DCC: variants seen among roughly 807,000 people sequenced by gnomAD.
DCC encodes the protein netrin receptor DCC.
DCC carries 58 observed loss-of-function variants against 172.5 expected under a neutral mutation model. The observed-to-expected ratio is 0.34, with a 90% CI of 0.27 to 0.42. DCC has a LOEUF of 0.42. Ranked by LOEUF, DCC falls within the 10% of genes least tolerant of loss-of-function variation. DCC has a pLI of 1.00. For synonymous variants in DCC, 709 were observed against 644.5 expected (o/e 1.10, Z -1.52); for missense variants, 1,740 against 1,791.0 (o/e 0.97, Z 0.51).
intron 3 of DCC, 127 bp downstream of exon 3, chr18:52,906,455 A>C (rs2039883462): frequency 1.0e-6 from 1 of 999,434 alleles, no homozygotes; most frequent in Non-Finnish European, 1.5e-6. Flanking sequence ...TTTGTTTATT[A>C]TTTCTTTCTT....
intron 5 of DCC, among the ~76,000 whole-genome samples, chr18:52,970,970 C>A (rs2041020872): frequency 6.6e-6 from 1 of 152,150 alleles, no homozygotes; most frequent in East Asian, 1.9e-4. Flanking sequence ...TGAATTGAAA[C>A]TCTGGGGAAT....
chr18:52,442,372 T>C (rs1015594288), intron 1 of DCC, among the ~76,000 whole-genome samples: 3 of 152,216 alleles, frequency 2.0e-5, no homozygotes, highest in Non-Finnish European at 4.4e-5. Flanking sequence ...TGAAGACCAA[T>C]GAAGATGATA....
At chr18:53,429,017 A>G (rs1911378105) in intron 21 of DCC, among the ~76,000 whole-genome samples, 1 of 87,772 alleles carries the variant, frequency 1.1e-5, no homozygotes, top group Admixed American at 1.8e-4. Context: ...TATATTTTAT[A>G]TATTTTTTAT....
At chr18:52,550,588 C>A (rs557199175) in intron 1 of DCC, among the ~76,000 whole-genome samples, 3 of 151,934 alleles carry the variant, frequency 2.0e-5, no homozygotes, top group African/African-American at 4.8e-5. Flanking sequence ...ACACACACAC[C>A]AAATCCACAC....
At chr18:53,521,970 A>T (rs1279137954) in intron 27 of DCC, among the ~76,000 whole-genome samples, 2 of 152,094 alleles carry the variant, frequency 1.3e-5, no homozygotes, top group East Asian at 3.9e-4. Context: ...TTTTGTGACT[A>T]TTATAAATTC....
At chr18:53,515,953 A>G (rs1038904496) in intron 27 of DCC, among the ~76,000 whole-genome samples, 1 of 151,920 alleles carries the variant, frequency 6.6e-6, no homozygotes, top group Non-Finnish European at 1.5e-5. Context: ...AATCTACTTT[A>G]AAGTTCATAT....
chr18:53,441,825 C>A (rs1912294901), intron 22 of DCC, among the ~76,000 whole-genome samples: 3 of 152,172 alleles, frequency 2.0e-5, no homozygotes, highest in African/African-American at 4.8e-5. Context: ...ACGTCTGTTT[C>A]TGGCTTGCTG....
intron 1 of DCC, among the ~76,000 whole-genome samples, chr18:52,668,960 AT>A (rs2035504453): frequency 6.6e-6 from 1 of 152,192 alleles, no homozygotes; most frequent in Admixed American, 6.5e-5. Context: ...AGACAGGGGA[AT>A]TGTAATAGAG....
intron 9 of DCC, among the ~76,000 whole-genome samples, chr18:53,188,730 G>C (rs536617299): frequency 1.3e-5 from 2 of 152,270 alleles, no homozygotes; most frequent in South Asian, 4.1e-4. Flanking sequence ...AAATCGAGGT[G>C]TCAGTAGGGC....
chr18:52,371,426 AG>A (rs1302177253), intron 1 of DCC, among the ~76,000 whole-genome samples: 1 of 152,238 alleles, frequency 6.6e-6, no homozygotes, highest in African/African-American at 2.4e-5. Flanking sequence ...TGTTTAAGTA[AG>A]GAAAAACCCT....
chr18:52,903,179 A>T (rs2039834104), intron 2 of DCC, among the ~76,000 whole-genome samples: 2 of 152,150 alleles, frequency 1.3e-5, no homozygotes, highest in South Asian at 2.1e-4. Flanking sequence ...AGACATTCGG[A>T]TGTAAAATAG....
chr18:52,719,808 G>T (rs2036445437), intron 1 of DCC, among the ~76,000 whole-genome samples: 1 of 152,156 alleles, frequency 6.6e-6, no homozygotes, highest in Admixed American at 6.5e-5. Flanking sequence ...ACTCCAGGTA[G>T]GCAGAGTGGT....
chr18:53,511,835 T>C (rs1037615927), intron 27 of DCC, among the ~76,000 whole-genome samples: 7 of 152,234 alleles, frequency 4.6e-5, no homozygotes, highest in African/African-American at 1.4e-4. Flanking sequence ...CGCTGATTGC[T>C]AGCACAGCAC....
intron 1 of DCC, among the ~76,000 whole-genome samples, chr18:52,485,388 G>A (rs542256402): frequency 2.0e-5 from 3 of 152,184 alleles, no homozygotes; most frequent in East Asian, 1.9e-4. Flanking sequence ...ATCCATCATC[G>A]CAATATGGAC....
intron 12 of DCC, among the ~76,000 whole-genome samples, chr18:53,305,126 A>C (rs181905363): frequency 6.6e-6 from 1 of 152,334 alleles, no homozygotes; most frequent in Non-Finnish European, 1.5e-5. Context: ...GCTATGTGGA[A>C]CTATGAGTCC....
At chr18:52,416,944 G>A (rs1484042499) in intron 1 of DCC, among the ~76,000 whole-genome samples, 1 of 152,066 alleles carries the variant, frequency 6.6e-6, no homozygotes, top group Non-Finnish European at 1.5e-5. Context: ...TTGCTCGTTA[G>A]TTGATGCAGT....
At chr18:52,847,086 G>A (rs957826952) in intron 2 of DCC, among the ~76,000 whole-genome samples, 16 of 152,148 alleles carry the variant, frequency 1.1e-4, no homozygotes, top group African/African-American at 3.9e-4. Flanking sequence ...GGAGCCCGTT[G>A]TTATTCTCTT....
Position 53,481,986 on chromosome 18 carries a change from A to G in DCC, c.3737-4811A>G, listed in dbSNP as rs558361290. 2.0e-5 allele frequency among the ~76,000 whole-genome samples: 3 copies of G among 152,284 alleles called. No homozygotes were observed. In the East Asian group the frequency reaches 5.8e-4, roughly 29 times the overall value. ...AGATTTATTGAAAATGCTTGATGAT[A>G]TCGCTCTCTGAGCTGTTTTACATAA... On this transcript the variant is annotated intron_variant, in intron 25 of 28. Transcript: ENST00000442544.
intron 1 of DCC, among the ~76,000 whole-genome samples, chr18:52,533,514 CT>C (rs900896397): frequency 6.6e-6 from 1 of 151,752 alleles, no homozygotes. Flanking sequence ...ATGGGATTGA[CT>C]TTTTTTTGCT....
Sources: allele counts gnomAD v4.1 joint callset (sites outside exome capture counted in the v4.1 genomes callset), GRCh38; gene constraint gnomAD v4.1.1; transcripts MANE v1.5; gene names NCBI Gene and HGNC (gene_info 2026-07-23, HGNC 2026-07-21).